Variants in MALT1 observed in about 807,000 individuals in gnomAD.
MALT1 encodes MALT1 paracaspase.
In MALT1, 36 loss-of-function variants were observed where a neutral mutation model predicts 85.5. The ratio of observed to expected loss-of-function variants is 0.42; its 90% CI spans 0.32 to 0.56. The LOEUF is 0.56. MALT1 is among the 20% of genes least tolerant of loss of function. The pLI is 0.10. For synonymous variants in MALT1, 359 were observed against 361.3 expected (o/e 0.99, Z 0.07); for missense variants, 716 against 981.6 (o/e 0.73, Z 3.62).
chr18:58,674,158 G>T (rs1384040499), intron 1 of MALT1: 3 of 152,192 alleles, frequency 2.0e-5, no homozygotes, highest in Non-Finnish European at 4.4e-5. Context: ...AGTCAGCAAG[G>T]CCCTGCCAGG....
At chr18:58,699,824 A>G (rs1281621534) in intron 3 of MALT1, among the ~76,000 whole-genome samples, 1 of 152,172 alleles carries the variant, frequency 6.6e-6, no homozygotes, top group Non-Finnish European at 1.5e-5. Context: ...AAGAAACCTT[A>G]CTATTGGAGG....
intron 3 of MALT1, among the ~76,000 whole-genome samples, chr18:58,698,075 G>GT (rs1315560558): frequency 0.066 from 6,089 of 92,858 alleles, 171 homozygotes; most frequent in Non-Finnish European, 0.097. Flanking sequence ...TTGTTTTTTT[G>GT]TTTTTTTTTT....
Position 58,700,444 on chromosome 18 carries a change from C to T in MALT1, c.502C>T (p.Pro168Ser). ...YQWFKMNKEI[P>S]NGNTSELIFN... ...TCTCTTATTGATTCTTTCACAGATT[C>T]CAAATGGAAATACATCAGAGCTTAT... Residue 168 changes from proline to serine, a missense_variant, in exon 4 of 17, where the codon CCA (proline) becomes TCA (serine). By Grantham distance (74) the Pro-to-Ser change is moderately conservative (BLOSUM62 -1). Transcript: ENST00000649217. 4 of 1,592,754 alleles carry T rather than the reference C, an allele frequency of 2.5e-6. No homozygotes were observed. The highest frequency in any genetic ancestry group is 3.4e-6 in the Non-Finnish European group (4 of 1,173,208).
Position 58,748,256 on chromosome 18 carries a change from AAGTT to A in MALT1, c.*417_*420del, listed in dbSNP as rs1433566604. On this transcript the variant is annotated 3_prime_UTR_variant, in exon 17 of 17. Coordinates refer to ENST00000649217, the MANE Select transcript of MALT1 (RefSeq NM_006785.4). ...ATGGAAGAAACACAGAAAGGCATCT[AAGTT>A]AGAGCTGGCACCAGAACTGAGACCT... is the stretch of plus-strand genomic sequence containing the variant. 2 of 238,064 alleles carry A rather than the reference AAGTT, an allele frequency of 8.4e-6. No homozygotes were observed. Among genetic ancestry groups the A allele is most frequent in the Admixed American group, 1.0e-4 (2 of 19,120 alleles). 14.7% of individuals were successfully genotyped at this position (238,064 alleles called of 1,614,324 possible).
intron 1 of MALT1, among the ~76,000 whole-genome samples, chr18:58,673,553 C>T (rs562652286): frequency 5.7e-4 from 86 of 152,200 alleles, no homozygotes; most frequent in African/African-American, 2.0e-3. Context: ...CTCCCAGGTT[C>T]AAGCAATTCT....
At position 58,686,131 on chromosome 18, in the gene MALT1, ATTC is replaced by A. The variant is rs150590118; in HGVS notation, c.376+4800_376+4802del. ...CAACCTCATCTCCCAGGTTCAAGCG[ATTC>A]TTCTGCCTCAGTCTCCTGAGTAGCT... is the stretch of plus-strand genomic sequence containing the variant. On this transcript the variant is annotated intron_variant, in intron 2 of 16. Transcript: ENST00000649217. 8.0e-3 allele frequency among the ~76,000 whole-genome samples: 1,214 copies of A among 152,164 alleles called. 24 individuals carry two copies. Among genetic ancestry groups the A allele is most frequent in the African/African-American group, 0.028 (1,174 of 41,508 alleles).
rs1335309276 is a variant in MALT1, at chr18:58,744,433, A to T, written c.1849A>T (p.Ser617Cys). 6.2e-7 allele frequency: 1 copy of T among 1,606,698 alleles called. No individual in the cohort carries two copies. Among genetic ancestry groups the T allele is most frequent in the Non-Finnish European group, 8.5e-7 (1 of 1,174,680 alleles). ...EFSNVMIIYT[S>C]IVYKPPEIIM... is the part of the protein sequence containing the mutation. ...TTCCAATGTCATGATCATCTATACA[A>T]GTATAGTTTACAAACCACCGGAGAT... Residue 617 changes from serine (S) to cysteine (C), a missense_variant, in exon 15 of 17, where the codon AGT (serine) becomes TGT (cysteine). Transcript: ENST00000649217.
intron 7 of MALT1, 35 bp from the exon 8 acceptor site, chr18:58,714,048 G>T: frequency 1.9e-6 from 2 of 1,041,356 alleles, no homozygotes; most frequent in South Asian, 2.6e-5. Context: ...TTGGTGTTTA[G>T]ATTACTTAAT....
At chr18:58,672,889 A>T (rs2054186364) in intron 1 of MALT1, 1 of 152,232 alleles carries the variant, frequency 6.6e-6, no homozygotes, top group Admixed American at 6.5e-5. Context: ...AGCTAAATAA[A>T]GTCTTAATAT....
rs1388308782 is a variant in MALT1 at position 58,671,584 on chromosome 18, GCCGAGGCCCGT to G, written c.-59_-49del. ...GGAGGCGAGCGGAAGGTGCCCCGGG[GCCGAGGCCCGT>G]GACGGGGCGGGCGGGAGCCCCGGCA... On this transcript the variant is annotated 5_prime_UTR_variant, in exon 1 of 17. Transcript: ENST00000649217. The G allele has an allele frequency of 1.8e-6, 2 of 1,123,020 alleles. No individual in the cohort carries two copies. The highest frequency in any genetic ancestry group is 1.6e-5 in the African/African-American group (1 of 61,660). 69.6% of individuals were successfully genotyped at this position (1,123,020 alleles called of 1,614,324 possible). A position where few individuals can be genotyped will look rare whatever the true frequency, so the allele number is the denominator to read the frequency against.
Position 58,750,092 on chromosome 18 carries a change from GA to G in MALT1, c.*2254del. 5.3e-6 allele frequency: 1 copy of G among 187,754 alleles called. No individual in the cohort carries two copies. Among genetic ancestry groups the G allele is most frequent in the South Asian group, 1.9e-4 (1 of 5,146 alleles). The allele number at this position is 187,754 out of a possible 1,614,324, so 11.6% of individuals were successfully genotyped here. A position where few individuals can be genotyped will look rare whatever the true frequency, so the allele number is the denominator to read the frequency against. ...CACAGTTGATACATAGTTGTATATA[GA>G]AAATGCTAAAGAATCCATAAAAAGT... On this transcript the variant is annotated 3_prime_UTR_variant, in exon 17 of 17. Transcript: ENST00000649217.
At chr18:58,700,649 T>C in intron 4 of MALT1, 58 bp downstream of exon 4, 1 of 1,426,536 alleles carries the variant, frequency 7.0e-7, no homozygotes, top group Non-Finnish European at 9.2e-7. Context: ...TTATTTTATT[T>C]TAAATGTTTA....
At chr18:58,717,317 C>T (rs141785792) in intron 9 of MALT1, among the ~76,000 whole-genome samples, 124 of 148,830 alleles carry the variant, frequency 8.3e-4, no homozygotes, top group African/African-American at 2.9e-3. Flanking sequence ...GAGCTGAGAT[C>T]GTGCCATTGC....
At position 58,671,802 on chromosome 18, in the gene MALT1, C is replaced by T. The variant is rs2054165630; in HGVS notation, c.159C>T (p.Gly53=). Residue 53 remains glycine, a synonymous_variant, in exon 1 of 17, where the codon GGC becomes GGT. Coordinates refer to ENST00000649217, the MANE Select transcript of MALT1 (RefSeq NM_006785.4). ...ELLDQAPEGR[G]WRRLAELAGS... ...TGGATCAGGCGCCCGAGGGCCGGGG[C>T]TGGAGGAGACTGGCGGAGCTGGCGG... The T allele has an allele frequency of 1.6e-6, 2 of 1,243,240 alleles. No individual in the cohort carries two copies. The highest frequency in any genetic ancestry group is 3.3e-5 in the South Asian group (1 of 30,410). The allele number at this position is 1,243,240 out of a possible 1,614,324, so 77.0% of individuals were successfully genotyped here.
chr18:58,707,295 T>C (rs578113042), intron 4 of MALT1, among the ~76,000 whole-genome samples: 17 of 152,186 alleles, frequency 1.1e-4, no homozygotes, highest in Non-Finnish European at 2.1e-4. Context: ...AAGATGTTTA[T>C]CTTCGAATTA....
Position 58,729,158 on chromosome 18 carries a change from A to G in MALT1, c.1223-4239A>G, listed in dbSNP as rs114686527. Among the ~76,000 whole-genome samples, 162 of 152,322 alleles carry G rather than the reference A, an allele frequency of 1.1e-3. 2 individuals are homozygous for G. The highest frequency in any genetic ancestry group is 3.8e-3 in the African/African-American group (160 of 41,566). ...AGTATGCTATGTGCTGAGAGAAATA[A>G]TAGTGAATAAAGATCATGATCTGTC... On this transcript the variant is annotated intron_variant, in intron 10 of 16. Transcript: ENST00000649217.
In MALT1 at chr18:58,748,864, A is replaced by AATT. The variant is rs1267739657; in HGVS notation, c.*1023_*1025dup. ...TCTGCCAAACATTAAAATTAGCACT[A>AATT]ATTTTTTGCACACTGTTTCTAAAAG... is the stretch of plus-strand genomic sequence containing the variant. On this transcript the variant is annotated 3_prime_UTR_variant, in exon 17 of 17. Coordinates refer to ENST00000649217, the MANE Select transcript of MALT1 (RefSeq NM_006785.4). The AATT allele has an allele frequency of 4.9e-6, 1 of 205,734 alleles. No individual in the cohort carries two copies. The highest frequency in any genetic ancestry group is 9.9e-6 in the Non-Finnish European group (1 of 100,708). The allele number at this position is 205,734 out of a possible 1,614,324, so 12.7% of individuals were successfully genotyped here. A position where few individuals can be genotyped will look rare whatever the true frequency, so the allele number is the denominator to read the frequency against.
At chr18:58,734,011 T>C (rs2055190161) in intron 11 of MALT1, 7 of 1,199,200 alleles carry the variant, frequency 5.8e-6, no homozygotes, top group Non-Finnish European at 7.3e-6. Context: ...CCATTGCCTT[T>C]CTAAGGAGTA....
chr18:58,715,870 A>G, intron 8 of MALT1, 65 bp from the exon 9 acceptor site: 2 of 1,059,016 alleles, frequency 1.9e-6, no homozygotes, highest in South Asian at 2.7e-5. Context: ...TATACTTTTC[A>G]TGTATCTTTA....
Sources: gnomAD v4.1 joint callset for allele counts (sites outside exome capture counted in the v4.1 genomes callset) on GRCh38, gnomAD v4.1.1 for gene constraint, MANE v1.5 for transcripts, NCBI Gene and HGNC (gene_info 2026-07-23, HGNC 2026-07-21) for gene names.